CCDC144A: variants seen among roughly 807,000 people sequenced by gnomAD.
CCDC144A encodes the protein coiled-coil domain-containing protein 144A.
CCDC144A carries 41 observed loss-of-function variants against 143.8 expected under a neutral mutation model. That is an observed-to-expected ratio of 0.29 (90% CI 0.22 to 0.37). The LOEUF (loss-of-function observed/expected upper bound fraction) is 0.37, where lower values mean the gene tolerates loss of function less well. Ranked by LOEUF, CCDC144A falls within the 10% of genes least tolerant of loss-of-function variation. The pLI is 1.00. For missense variants in CCDC144A, 637 were observed against 1,488.8 expected (o/e 0.43, Z 9.41); for synonymous variants, 242 against 517.9 (o/e 0.47, Z 7.23).
In CCDC144A at chr17:16,690,293, A is replaced by G. The variant is rs1381952458; in HGVS notation, c.-108A>G. ...CGGTGGTCGCTTGGCTTGGCGTGGC[A>G]GTGATCGCTTGGCTTGGCATTTCTG... On this transcript the variant is annotated 5_prime_UTR_variant, in exon 1 of 17. Coordinates refer to ENST00000399273, the MANE Select transcript of CCDC144A (RefSeq NM_001382000.1). 14 of 808,898 alleles carry G rather than the reference A, an allele frequency of 1.7e-5. No homozygotes were observed. Among genetic ancestry groups the G allele is most frequent in the South Asian group, 4.1e-5 (2 of 49,324 alleles). The allele number at this position is 808,898 out of a possible 1,614,324, so 50.1% of individuals were successfully genotyped here. A position where few individuals can be genotyped will look rare whatever the true frequency, so the allele number is the denominator to read the frequency against.
intron 2 of CCDC144A, among the ~76,000 whole-genome samples, chr17:16,702,867 C>T (rs1911813678): frequency 6.6e-6 from 1 of 151,680 alleles, no homozygotes; most frequent in South Asian, 2.1e-4. Context: ...ACGTGCAGCA[C>T]CAAAACTTAT....
intron 12 of CCDC144A, among the ~76,000 whole-genome samples, chr17:16,742,968 C>T (rs1914329083): frequency 1.3e-5 from 2 of 152,018 alleles, no homozygotes; most frequent in African/African-American, 4.8e-5. Flanking sequence ...GATATTAGAC[C>T]TTTCTCAGAT....
chr17:16,738,192 C>T (rs1363059373), intron 12 of CCDC144A, among the ~76,000 whole-genome samples: 2 of 148,790 alleles, frequency 1.3e-5, no homozygotes, highest in African/African-American at 2.5e-5. Flanking sequence ...AATTTACAAA[C>T]TACTTGAAAT....
the CCDC144A span, among the ~76,000 whole-genome samples, chr17:16,684,394 G>A: frequency 2.0e-5 from 3 of 152,026 alleles, no homozygotes; most frequent in Admixed American, 6.6e-5. Context: ...GGTGGCTCAC[G>A]CCTGTAGTCC....
intron 12 of CCDC144A, among the ~76,000 whole-genome samples, chr17:16,757,556 T>C (rs1915153429): frequency 6.6e-6 from 1 of 152,220 alleles, no homozygotes; most frequent in African/African-American, 2.4e-5. Flanking sequence ...ATAGCAACAA[T>C]AGCAGCAGCA....
intron 15 of CCDC144A, among the ~76,000 whole-genome samples, chr17:16,770,671 C>T (rs1915792877): frequency 6.6e-6 from 1 of 151,162 alleles, no homozygotes; most frequent in Non-Finnish European, 1.5e-5. Context: ...AAGTAAATCT[C>T]TTTTTTTTTT....
intron 12 of CCDC144A, chr17:16,746,032 C>T (rs1194149778): frequency 3.1e-6 from 5 of 1,611,748 alleles, no homozygotes; most frequent in Non-Finnish European, 4.2e-6. Context: ...TCCCTGTGCT[C>T]TTTATCACTG....
At chr17:16,717,747 T>TA (rs1200183313) in intron 6 of CCDC144A, among the ~76,000 whole-genome samples, 1 of 152,244 alleles carries the variant, frequency 6.6e-6, no homozygotes, top group Non-Finnish European at 1.5e-5. Context: ...TTTTTTGAAT[T>TA]AATGAATTGA....
intron 9 of CCDC144A, among the ~76,000 whole-genome samples, chr17:16,729,465 C>T (rs1913606774): frequency 3.3e-5 from 5 of 152,014 alleles, no homozygotes; most frequent in Non-Finnish European, 4.4e-5. Context: ...ATTTGTTTGT[C>T]CTTTGTCAGA....
chr17:16,691,357 C>T (rs1012678928), intron 1 of CCDC144A, among the ~76,000 whole-genome samples: 1 of 152,140 alleles, frequency 6.6e-6, no homozygotes, highest in Non-Finnish European at 1.5e-5. Context: ...CCATATTATC[C>T]TTTCCCAGAT....
chr17:16,720,074 A>G (rs1203637687), intron 6 of CCDC144A, 124 bp from the exon 7 acceptor site: 11 of 1,262,008 alleles, frequency 8.7e-6, no homozygotes, highest in Non-Finnish European at 9.6e-6. Flanking sequence ...AAAATTACCT[A>G]TACACTTGAT....
chr17:16,711,159 C>A (rs200946464), intron 5 of CCDC144A, among the ~76,000 whole-genome samples: 22,615 of 72,372 alleles, frequency 0.31, 1,529 homozygotes, highest in Middle Eastern at 0.37. Context: ...AAAAAAAAAA[C>A]AAAAGTTAGT....
At chr17:16,755,566 A>G (rs1274175157) in intron 12 of CCDC144A, among the ~76,000 whole-genome samples, 1 of 151,948 alleles carries the variant, frequency 6.6e-6, no homozygotes, top group Admixed American at 6.6e-5. Context: ...AGTTTTATTT[A>G]TTTATTTATT....
chr17:16,691,087 T>C (rs1401620419), intron 1 of CCDC144A, among the ~76,000 whole-genome samples: 1 of 152,184 alleles, frequency 6.6e-6, no homozygotes, highest in Non-Finnish European at 1.5e-5. Flanking sequence ...CGGTGGCTCA[T>C]GCCTGTAATC....
the CCDC144A span, among the ~76,000 whole-genome samples, chr17:16,682,641 G>A: frequency 6.6e-6 from 1 of 151,972 alleles, no homozygotes; most frequent in African/African-American, 2.4e-5. Flanking sequence ...AAAATGTCAG[G>A]GGAAAGTGGG....
intron 5 of CCDC144A, among the ~76,000 whole-genome samples, chr17:16,711,149 A>AAAAAAC (rs1912405578): frequency 7.1e-6 from 1 of 141,206 alleles, no homozygotes; most frequent in African/African-American, 2.6e-5. Flanking sequence ...AAAAAAAAAA[A>AAAAAAC]AAAAAAAAAC....
rs542178484 is a variant in CCDC144A at position 16,756,289 on chromosome 17, A to G, written c.3373-5136A>G. Among the ~76,000 whole-genome samples, 676 of 152,308 alleles carry G rather than the reference A, an allele frequency of 4.4e-3. 2 individuals carry two copies. The highest frequency in any genetic ancestry group is 0.016 in the African/African-American group (652 of 41,560). ...CCCATATACCACATACACTGTCTTC[A>G]TTCTTTTTATTTTATTTTTTTTATT... On this transcript the variant is annotated intron_variant, in intron 12 of 16. Transcript: ENST00000399273.
chr17:16,700,091 A>G (rs1911647760), intron 2 of CCDC144A, among the ~76,000 whole-genome samples: 1 of 152,164 alleles, frequency 6.6e-6, no homozygotes, highest in Admixed American at 6.5e-5. Context: ...GACTCACAGG[A>G]CTCAGCAGAT....
At chr17:16,680,110 G>A in the CCDC144A span, among the ~76,000 whole-genome samples, 9 of 151,842 alleles carry the variant, frequency 5.9e-5, no homozygotes, top group East Asian at 1.3e-3. Flanking sequence ...AATGCCATGC[G>A]CTTTGTTTTC....
Sources: gnomAD v4.1 joint callset for allele counts (sites outside exome capture counted in the v4.1 genomes callset) on GRCh38, gnomAD v4.1.1 for gene constraint, MANE v1.5 for transcripts, NCBI Gene and HGNC (gene_info 2026-07-23, HGNC 2026-07-21) for gene names.